Variants in SGIP1 observed in about 807,000 individuals in gnomAD.
The protein encoded by SGIP1 is SH3GL interacting endocytic adaptor 1.
In SGIP1, 38 loss-of-function variants were observed where a neutral mutation model predicts 107.5. The observed-to-expected ratio is 0.35, with a 90% CI of 0.27 to 0.46. SGIP1 has a LOEUF of 0.46. Ranked by LOEUF, SGIP1 falls within the 20% of genes least tolerant of loss-of-function variation. SGIP1 has a pLI of 1.00. For synonymous variants in SGIP1, 365 were observed against 366.1 expected, an observed-to-expected ratio of 1.00 and a Z score of 0.03; for missense variants, 929 against 1,019.5, an observed-to-expected ratio of 0.91 and a Z score of 1.21.
chr1:66,693,077 A>C (rs1051304965), intron 17 of SGIP1, among the ~76,000 whole-genome samples: 2 of 152,100 alleles, frequency 1.3e-5, no homozygotes, highest in Non-Finnish European at 2.9e-5. Flanking sequence ...TATTACATTA[A>C]TTATTTCAGA....
At chr1:66,555,540 T>C (rs1207357569) in intron 1 of SGIP1, among the ~76,000 whole-genome samples, 1 of 152,124 alleles carries the variant, frequency 6.6e-6, no homozygotes, top group African/African-American at 2.4e-5. Context: ...TTAGTAAATA[T>C]TGGTTGAATT....
chr1:66,709,715 C>T (rs1234731703), intron 18 of SGIP1, among the ~76,000 whole-genome samples: 1 of 152,120 alleles, frequency 6.6e-6, no homozygotes, highest in African/African-American at 2.4e-5. Flanking sequence ...ACAGAAGCTT[C>T]TTGACTTTTT....
intron 1 of SGIP1, among the ~76,000 whole-genome samples, chr1:66,605,609 A>G (rs2149080417): frequency 6.6e-6 from 1 of 151,794 alleles, no homozygotes; most frequent in South Asian, 2.1e-4. Context: ...AGTGTGTCTC[A>G]GAGCCCTTAA....
chr1:66,588,530 C>A (rs1389005947), intron 1 of SGIP1, among the ~76,000 whole-genome samples: 3 of 151,494 alleles, frequency 2.0e-5, no homozygotes, highest in Non-Finnish European at 4.4e-5. Context: ...TGTAGTCAGT[C>A]TAATATAGTC....
At chr1:66,601,789 TC>T (rs1374989126) in intron 1 of SGIP1, among the ~76,000 whole-genome samples, 1 of 152,230 alleles carries the variant, frequency 6.6e-6, no homozygotes, top group African/African-American at 2.4e-5. Flanking sequence ...TTTACCGCAT[TC>T]AATTTCATTT....
chr1:66,593,183 T>C (rs920345438), intron 1 of SGIP1, among the ~76,000 whole-genome samples: 1 of 152,188 alleles, frequency 6.6e-6, no homozygotes, highest in Non-Finnish European at 1.5e-5. Context: ...GGCTTATTCA[T>C]TTATTCACCT....
At chr1:66,705,898 A>C (rs2092460319) in intron 18 of SGIP1, among the ~76,000 whole-genome samples, 1 of 152,136 alleles carries the variant, frequency 6.6e-6, no homozygotes, top group African/African-American at 2.4e-5. Flanking sequence ...GAGGGAGAGC[A>C]TTAGAACAAA....
Position 66,677,074 on chromosome 1 carries a change from A to G in SGIP1, c.717A>G (p.Leu239=), listed in dbSNP as rs746545604. Residue 239 remains leucine (L), a synonymous_variant, in exon 13 of 25, where the codon TTA becomes TTG. Transcript: ENST00000371037. ...PINPSMESPK[L]TRPFPTGTPP... ...ATCCAAGCATGGAGTCGCCAAAGTTAACAAGGCCTTTTCCCACTGGAAGTA... is the reference window on the plus strand; with the variant it reads ...ATCCAAGCATGGAGTCGCCAAAGTTGACAAGGCCTTTTCCCACTGGAAGTA... 1 of 1,613,994 alleles carries G rather than the reference A, an allele frequency of 6.2e-7. No homozygotes were observed. Among genetic ancestry groups the G allele is most frequent in the Non-Finnish European group, 8.5e-7 (1 of 1,179,942 alleles).
At chr1:66,702,041 T>C (rs1460223218) in intron 18 of SGIP1, among the ~76,000 whole-genome samples, 2 of 152,220 alleles carry the variant, frequency 1.3e-5, no homozygotes, top group African/African-American at 4.8e-5. Flanking sequence ...TTTTTACCAG[T>C]AATGCTGATG....
intron 1 of SGIP1, among the ~76,000 whole-genome samples, chr1:66,584,847 G>T (rs1374745375): frequency 1.3e-5 from 2 of 152,046 alleles, no homozygotes; most frequent in Admixed American, 6.6e-5. Flanking sequence ...TTCTTTCCTG[G>T]TGCTTAGTGT....
rs905992607 is a variant in SGIP1 at position 66,748,557 on chromosome 1, G to T, written c.*5462G>T. On this transcript the variant is annotated 3_prime_UTR_variant, in exon 25 of 25. Transcript: ENST00000371037. ...ATGGGTATAATAATTTATTCTCTAG[G>T]TTTAACTTCTAAAATTATTTTTCCT... is the stretch of plus-strand genomic sequence containing the variant. Among the ~76,000 whole-genome samples the T allele has an allele frequency of 6.6e-6, 1 of 151,778 alleles. No homozygotes were observed. The highest frequency in any genetic ancestry group is 2.4e-5 in the African/African-American group (1 of 41,356).
chr1:66,739,497 G>A lies in SGIP1; in HGVS notation c.2194G>A (p.Gly732Arg). 6.2e-7 allele frequency: 1 copy of A among 1,614,106 alleles called. No individual in the cohort carries two copies. Among genetic ancestry groups the A allele is most frequent in the Non-Finnish European group, 8.5e-7 (1 of 1,180,034 alleles). Residue 732 changes from glycine (G) to arginine (R), a missense_variant, in exon 22 of 25, where the codon GGA (glycine) becomes AGA (arginine). Coordinates refer to ENST00000371037, the MANE Select transcript of SGIP1 (RefSeq NM_032291.4). ...GCAGTTCCTGGTCCCCATCGACGGA[G>A]GAGTCACCAAGCTCCAGGCAGTGCT... is the stretch of plus-strand genomic sequence containing the variant. The part of the protein sequence containing the change: ...NVQFLVPIDG[G>R]VTKLQAVLPP...
At chr1:66,590,834 C>G (rs1003032519) in intron 1 of SGIP1, among the ~76,000 whole-genome samples, 2 of 150,202 alleles carry the variant, frequency 1.3e-5, no homozygotes, top group Non-Finnish European at 1.5e-5. Flanking sequence ...ATCTGCCCCC[C>G]TCAACCTTCC....
intron 18 of SGIP1, among the ~76,000 whole-genome samples, chr1:66,711,375 C>A (rs1159743796): frequency 1.3e-5 from 2 of 152,088 alleles, no homozygotes; most frequent in African/African-American, 4.8e-5. Context: ...TTTTCAGGGT[C>A]ACAGGGTAAG....
In SGIP1 at chr1:66,733,778, G is replaced by A. The variant is rs940357410; in HGVS notation, c.1929G>A (p.Lys643=). The change falls in exon 21 of 25, where the codon AAG becomes AAA. Residue 643 remains lysine, a synonymous_variant. Transcript: ENST00000371037. ...CDNTQNDANT[K]EFWVNMPNLM... is the part of the protein sequence containing the mutation. ...ATACACAAAATGATGCCAATACCAA[G>A]GAATTCTGGGTAAACATGCCAAATT... The A allele has an allele frequency of 1.9e-6, 3 of 1,612,952 alleles. No individual in the cohort carries two copies. The highest frequency in any genetic ancestry group is 1.7e-5 in the Admixed American group (1 of 59,912).
intron 1 of SGIP1, among the ~76,000 whole-genome samples, chr1:66,539,661 C>T (rs565695993): frequency 6.6e-6 from 1 of 152,302 alleles, no homozygotes; most frequent in Admixed American, 6.5e-5. Context: ...CACTGCCTGC[C>T]TCCTCATGTT....
intron 15 of SGIP1, among the ~76,000 whole-genome samples, chr1:66,682,588 T>G (rs968121837): frequency 6.6e-6 from 1 of 152,092 alleles, no homozygotes; most frequent in African/African-American, 2.4e-5. Context: ...CTCCCAGCCC[T>G]TAGGTGTGCC....
At chr1:66,667,440 C>A in intron 8 of SGIP1, 90 bp from the exon 9 acceptor site, 1 of 1,210,588 alleles carries the variant, frequency 8.3e-7, no homozygotes, top group Non-Finnish European at 1.2e-6. Flanking sequence ...TGGTTAGCTG[C>A]TTATAAAGTC....
chr1:66,566,175 G>T (rs576451183), intron 1 of SGIP1, among the ~76,000 whole-genome samples: 1 of 151,984 alleles, frequency 6.6e-6, no homozygotes, highest in African/African-American at 2.4e-5. Context: ...GGAACACCAG[G>T]GTGGTTTCCC....
Sources: allele counts gnomAD v4.1 joint callset (sites outside exome capture counted in the v4.1 genomes callset), GRCh38; gene constraint gnomAD v4.1.1; transcripts MANE v1.5; gene names NCBI Gene and HGNC (gene_info 2026-07-23, HGNC 2026-07-21).